Variants in ARHGEF28 observed in about 807,000 individuals in gnomAD.
The protein encoded by ARHGEF28 is Rho guanine nucleotide exchange factor 28, also known as 190 kDa guanine nucleotide exchange factor.
A neutral mutation model predicts 206.6 loss-of-function variants in ARHGEF28; 152 were observed. That is an observed-to-expected ratio of 0.74 (90% CI 0.64 to 0.84). The LOEUF (loss-of-function observed/expected upper bound fraction) is 0.84, where lower values mean the gene tolerates loss of function less well. Ranked by LOEUF, ARHGEF28 falls within the 40% of genes least tolerant of loss-of-function variation. The pLI, the probability that ARHGEF28 is intolerant of heterozygous loss-of-function variation, is 0.00. For synonymous variants in ARHGEF28, 763 were observed against 776.4 expected (o/e 0.98, Z 0.29); for missense variants, 2,028 against 2,073.2 (o/e 0.98, Z 0.42).
At chr5:73,796,927 A>G (rs1754856141) in intron 9 of ARHGEF28, among the ~76,000 whole-genome samples, 1 of 152,200 alleles carries the variant, frequency 6.6e-6, no homozygotes, top group Non-Finnish European at 1.5e-5. Context: ...AATGTTTGCT[A>G]AGATGAATTG....
At chr5:73,806,370 TA>T (rs1456555196) in intron 9 of ARHGEF28, among the ~76,000 whole-genome samples, 6 of 56,050 alleles carry the variant, frequency 1.1e-4, no homozygotes, top group East Asian at 1.4e-3. Context: ...TATCTATATA[TA>T]CTATATATAG....
At chr5:73,801,023 C>A (rs1157566331) in intron 9 of ARHGEF28, among the ~76,000 whole-genome samples, 4 of 152,044 alleles carry the variant, frequency 2.6e-5, no homozygotes, top group African/African-American at 7.3e-5. Flanking sequence ...TGGCAAACAA[C>A]CAGATAATAG....
chr5:73,880,516 G>C (rs1312758000), intron 22 of ARHGEF28, among the ~76,000 whole-genome samples: 2 of 152,330 alleles, frequency 1.3e-5, no homozygotes, highest in Admixed American at 1.3e-4. Flanking sequence ...CCCGTCTTCT[G>C]CGTTGCTCAC....
chr5:73,940,352 T>G (rs962204774), intron 35 of ARHGEF28, among the ~76,000 whole-genome samples: 1 of 152,190 alleles, frequency 6.6e-6, no homozygotes, highest in Admixed American at 6.5e-5. Context: ...AGCATAATGG[T>G]GAGGCTGGAG....
At chr5:73,727,624 C>A (rs923004795) in intron 2 of ARHGEF28, among the ~76,000 whole-genome samples, 1 of 152,294 alleles carries the variant, frequency 6.6e-6, no homozygotes, top group East Asian at 1.9e-4. Context: ...TTGGTTCTGT[C>A]CCCCTGAGAC....
intron 9 of ARHGEF28, among the ~76,000 whole-genome samples, chr5:73,804,280 T>G (rs1407955946): frequency 7.2e-5 from 11 of 152,026 alleles, no homozygotes; most frequent in African/African-American, 2.4e-4. Context: ...ACTCTTGAGA[T>G]CTTATTAACC....
intron 35 of ARHGEF28, among the ~76,000 whole-genome samples, chr5:73,919,495 C>T (rs1250441917): frequency 6.6e-6 from 1 of 152,150 alleles, no homozygotes; most frequent in African/African-American, 2.4e-5. Flanking sequence ...TATAAACACC[C>T]AAATGTCAGA....
chr5:73,885,725 A>G (rs1293847284), intron 24 of ARHGEF28, 125 bp from the exon 25 acceptor site: 3 of 1,063,940 alleles, frequency 2.8e-6, no homozygotes, highest in Non-Finnish European at 3.8e-6. Context: ...CATTTTTCTT[A>G]TGGGATTTTT....
rs975576526 is a variant in ARHGEF28, at chr5:73,760,097, C to T, written c.475+6895C>T. ...GGTTGGCCTGATGACTGCACTGTGT[C>T]CAGGTCTTACTAACCAGAGAAGGGC... On this transcript the variant is annotated intron_variant, in intron 4 of 35. Coordinates refer to ENST00000513042, the MANE Select transcript of ARHGEF28 (RefSeq NM_001177693.2). Among the ~76,000 whole-genome samples, 4 of 152,238 alleles carry T rather than the reference C, an allele frequency of 2.6e-5. 1 individual carries two copies. The highest frequency in any genetic ancestry group is 4.2e-4 in the South Asian group (2 of 4,814).
intron 20 of ARHGEF28, among the ~76,000 whole-genome samples, chr5:73,869,043 T>G (rs1332171727): frequency 6.6e-6 from 1 of 152,152 alleles, no homozygotes; most frequent in Middle Eastern, 3.4e-3. Context: ...GAAAACCAAA[T>G]GGAAGGAGAG....
intron 2 of ARHGEF28, among the ~76,000 whole-genome samples, chr5:73,685,717 G>T (rs1747421451): frequency 6.6e-6 from 1 of 152,162 alleles, no homozygotes; most frequent in Non-Finnish European, 1.5e-5. Context: ...CCGCCTCCCA[G>T]GTTCAAGCGA....
intron 2 of ARHGEF28, among the ~76,000 whole-genome samples, chr5:73,704,535 C>A (rs1748813959): frequency 1.3e-5 from 2 of 152,110 alleles, no homozygotes; most frequent in Non-Finnish European, 2.9e-5. Flanking sequence ...AGTGATTCTC[C>A]TGCCTCAGCC....
rs978965897 is a variant in ARHGEF28, at chr5:73,909,514, T to G, written c.4264T>G (p.Leu1422Val). The G allele has an allele frequency of 1.2e-6, 2 of 1,606,858 alleles. No individual in the cohort carries two copies. Among genetic ancestry groups the G allele is most frequent in the East Asian group, 4.5e-5 (2 of 44,628 alleles). Residue 1422 changes from leucine (L) to valine (V), a missense_variant, in exon 34 of 36, where the codon TTG becomes GTG. Transcript: ENST00000513042. ...LGHSILRGGP[L>V]QDQKSRDADR... ...CCACTCTATCCTCCGAGGCGGCCCCTTGCAGGACCAGAAGTCTCGCGACGC... is the reference window on the plus strand; with the variant it reads ...CCACTCTATCCTCCGAGGCGGCCCCGTGCAGGACCAGAAGTCTCGCGACGC...
At chr5:73,891,892 C>T (rs1381617783) in intron 26 of ARHGEF28, among the ~76,000 whole-genome samples, 160 bp from the exon 27 acceptor site, 2 of 152,118 alleles carry the variant, frequency 1.3e-5, no homozygotes, top group Non-Finnish European at 2.9e-5. Flanking sequence ...TTTTCCATAC[C>T]GTCTCCATTG....
chr5:73,842,210 A>T (rs1347227897), intron 11 of ARHGEF28, among the ~76,000 whole-genome samples: 1 of 152,180 alleles, frequency 6.6e-6, no homozygotes, highest in Admixed American at 6.5e-5. Context: ...TACCCATGTG[A>T]TTATATGTTC....
At chr5:73,649,288 G>A (rs1441946859) in intron 1 of ARHGEF28, among the ~76,000 whole-genome samples, 1 of 152,152 alleles carries the variant, frequency 6.6e-6, no homozygotes, top group Non-Finnish European at 1.5e-5. Flanking sequence ...GTAGGAAAGA[G>A]GTGGGGAGTG....
chr5:73,817,351 C>A (rs965362315), intron 9 of ARHGEF28, among the ~76,000 whole-genome samples: 52 of 152,328 alleles, frequency 3.4e-4, no homozygotes, highest in African/African-American at 1.2e-3. Context: ...TTTCTCTAAT[C>A]ATAATGAAAA....
chr5:73,674,214 T>G (rs1413030790), intron 1 of ARHGEF28, among the ~76,000 whole-genome samples: 1 of 152,128 alleles, frequency 6.6e-6, no homozygotes, highest in Non-Finnish European at 1.5e-5. Flanking sequence ...ATAGCTGAGA[T>G]TCAATGCAGC....
intron 13 of ARHGEF28, 39 bp downstream of exon 13, chr5:73,849,126 T>C (rs1254186068): frequency 1.5e-6 from 2 of 1,369,228 alleles, no homozygotes; most frequent in Admixed American, 4.1e-5. Context: ...AAACACTCTA[T>C]TCCAGAACAG....
Sources: allele counts gnomAD v4.1 joint callset (sites outside exome capture counted in the v4.1 genomes callset), GRCh38; gene constraint gnomAD v4.1.1; transcripts MANE v1.5; gene names NCBI Gene and HGNC (gene_info 2026-07-23, HGNC 2026-07-21).